The following PPFIBP2 variants were observed in gnomAD, a reference collection of about 807,000 sequenced individuals.
The protein encoded by PPFIBP2 is liprin-beta-2.
Under a neutral mutation model 118.3 loss-of-function variants are expected in PPFIBP2, and 118 were observed. The observed-to-expected ratio is 1.00, with a 90% CI of 0.86 to 1.16. The LOEUF (loss-of-function observed/expected upper bound fraction) is 1.16, where lower values mean the gene tolerates loss of function less well. PPFIBP2 is among the 50% of genes most tolerant of loss of function. The probability of loss-of-function intolerance (pLI) is 0.00; values close to 1 mark genes in which losing one functional copy is unlikely to be tolerated. For missense variants in PPFIBP2, 1,195 were observed against 1,073.1 expected (o/e 1.11, Z -1.59); for synonymous variants, 414 against 397.4 (o/e 1.04, Z -0.50).
chr11:7,617,432 C>T (rs184011350), intron 6 of PPFIBP2: 4 of 455,738 alleles, frequency 8.8e-6, no homozygotes, highest in Non-Finnish European at 8.7e-6. Flanking sequence ...AGAGCTTGGA[C>T]TCACTCAATC....
At chr11:7,659,505 A>G (rs1213090198), downstream of PPFIBP2, among the ~76,000 whole-genome samples, 3 of 150,114 alleles carry the variant, frequency 2.0e-5, no homozygotes, top group East Asian at 1.9e-4. Context: ...CCATTGATCT[A>G]TATCTCTGTT....
In PPFIBP2 at chr11:7,648,890, C is replaced by G; in HGVS notation, c.1888C>G (p.Leu630Val). ...NTKQEEKSAL[L>V]DHIWVTRWLD... ...CAAACAGGAGGAGAAGTCTGCACTG[C>G]TAGACCACATTTGGGTGACAAGTAA... Residue 630 changes from leucine (L) to valine (V), a missense_variant, in exon 19 of 24, where the codon CTA becomes GTA. Coordinates refer to ENST00000299492, the MANE Select transcript of PPFIBP2 (RefSeq NM_003621.5). 1.9e-6 allele frequency: 3 copies of G among 1,613,912 alleles called. No individual in the cohort carries two copies. The South Asian group carries it at 3.3e-5, about 18-fold the overall frequency.
intron 1 of PPFIBP2, among the ~76,000 whole-genome samples, chr11:7,541,895 GCT>G (rs1851827938): frequency 1.3e-5 from 2 of 152,114 alleles, no homozygotes; most frequent in African/African-American, 4.8e-5. Flanking sequence ...ACTTGACTCT[GCT>G]CTCTCATGCC....
intron 1 of PPFIBP2, among the ~76,000 whole-genome samples, 165 bp from the exon 2 acceptor site, chr11:7,549,275 A>T (rs542120695): frequency 6.6e-6 from 1 of 152,352 alleles, no homozygotes; most frequent in East Asian, 1.9e-4. Context: ...AAAAGCACTC[A>T]TGCCAAGAGG....
In PPFIBP2 at chr11:7,593,344, T is replaced by C; in HGVS notation, c.372+120T>C. 7 of 1,385,390 alleles carry C rather than the reference T, an allele frequency of 5.1e-6. No individual in the cohort carries two copies. In the South Asian group the frequency reaches 5.9e-5, roughly 12 times the overall value. 85.8% of individuals were successfully genotyped at this position (1,385,390 alleles called of 1,614,324 possible). A position where few individuals can be genotyped will look rare whatever the true frequency, so the allele number is the denominator to read the frequency against. On this transcript the variant is annotated intron_variant, in intron 4 of 23. Coordinates refer to ENST00000299492, the MANE Select transcript of PPFIBP2 (RefSeq NM_003621.5). Reference sequence around the variant, plus strand: ...GGAATTTTTCTCCTTCCAATGCCTATGTTTTTAGAAAAGACTTTTCCTGAA... The same window carrying C: ...GGAATTTTTCTCCTTCCAATGCCTACGTTTTTAGAAAAGACTTTTCCTGAA...
At chr11:7,628,713 G>C (rs1398405192) in intron 9 of PPFIBP2, among the ~76,000 whole-genome samples, 1 of 152,172 alleles carries the variant, frequency 6.6e-6, no homozygotes, top group Non-Finnish European at 1.5e-5. Context: ...AACCATCATA[G>C]AGACACTTGG....
Position 7,648,895 on chromosome 11 carries a change from C to T in PPFIBP2, c.1893C>T (p.Asp631=). The change falls in exon 19 of 24, where the codon GAC becomes GAT. Residue 631 remains aspartate (D), a synonymous_variant. Transcript: ENST00000299492. ...TKQEEKSALL[D]HIWVTRWLDD... is the part of the protein sequence containing the mutation. ...AGGAGGAGAAGTCTGCACTGCTAGACCACATTTGGGTGACAAGTAAGGATA... is the reference window on the plus strand; with the variant it reads ...AGGAGGAGAAGTCTGCACTGCTAGATCACATTTGGGTGACAAGTAAGGATA... 2 of 1,613,650 alleles carry T rather than the reference C, an allele frequency of 1.2e-6. No individual in the cohort carries two copies. The highest frequency in any genetic ancestry group is 1.7e-6 in the Non-Finnish European group (2 of 1,179,630).
intron 2 of PPFIBP2, among the ~76,000 whole-genome samples, chr11:7,556,350 G>A (rs1010752564): frequency 1.3e-5 from 2 of 152,176 alleles, no homozygotes; most frequent in African/African-American, 4.8e-5. Flanking sequence ...AGCTACTCGG[G>A]AGGCTGAGGC....
At chr11:7,546,516 G>C (rs951451827) in intron 1 of PPFIBP2, among the ~76,000 whole-genome samples, 1 of 152,120 alleles carries the variant, frequency 6.6e-6, no homozygotes, top group Non-Finnish European at 1.5e-5. Context: ...CTCTGGGTTT[G>C]ACACCCTGTC....
intron 5 of PPFIBP2, among the ~76,000 whole-genome samples, chr11:7,599,124 T>C (rs1259441543): frequency 6.6e-6 from 1 of 152,074 alleles, no homozygotes; most frequent in Non-Finnish European, 1.5e-5. Context: ...ATTGAATCTT[T>C]CTTTTGAAGA....
intron 1 of PPFIBP2, among the ~76,000 whole-genome samples, chr11:7,519,820 CT>C (rs1208815137): frequency 6.6e-6 from 1 of 152,130 alleles, no homozygotes; most frequent in Admixed American, 6.5e-5. Context: ...ACGCTGGAGC[CT>C]TTTTGGACCA....
chr11:7,549,609 C>CT (rs386373033), intron 2 of PPFIBP2, 70 bp downstream of exon 2: 80,233 of 1,125,142 alleles, frequency 0.071, 65 homozygotes, highest in South Asian at 0.079. Context: ...TCTCCTTTTA[C>CT]TTTTTTTTTT....
At chr11:7,527,609 T>C (rs1477680909) in intron 1 of PPFIBP2, among the ~76,000 whole-genome samples, 2 of 152,090 alleles carry the variant, frequency 1.3e-5, no homozygotes, top group South Asian at 2.1e-4. Context: ...AAACAGATAG[T>C]AGTAACTGCT....
Position 7,565,699 on chromosome 11 carries a change from G to C in PPFIBP2, c.211G>C (p.Ala71Pro), listed in dbSNP as rs774061298. The C allele has an allele frequency of 1.2e-6, 2 of 1,614,166 alleles. No homozygotes were observed. The highest frequency in any genetic ancestry group is 1.7e-6 in the Non-Finnish European group (2 of 1,180,018). Residue 71 changes from alanine to proline, a missense_variant, in exon 3 of 24, where the codon GCA becomes CCA. Physicochemically the swap from Ala to Pro is conservative, Grantham distance 27 (BLOSUM62 -1). Transcript: ENST00000299492. ...LEMLELPQER[A>P]ALLSQIPGPT... is the part of the protein sequence containing the mutation. ...GATGCTGGAGCTTCCTCAGGAGAGA[G>C]CAGCCCTCCTGAGCCAGATCCCTGG...
chr11:7,653,190 G>C lies in PPFIBP2; in HGVS notation c.2603G>C (p.Gly868Ala), dbSNP rs1259257753. ...CCCCTTGATGCCCCTGAACTGGATG[G>C]GCTGGACCAGGTGGGACAGATTAGC... The part of the protein sequence containing the change: ...LSPLDAPELD[G>A]LDQVGQIS The change falls in exon 24 of 24, where the codon GGG becomes GCG. Residue 868 changes from glycine (G) to alanine (A), a missense_variant. By Grantham distance (60) the Gly-to-Ala change is moderately conservative (BLOSUM62 0). Coordinates refer to ENST00000299492, the MANE Select transcript of PPFIBP2 (RefSeq NM_003621.5). The C allele has an allele frequency of 6.2e-7, 1 of 1,614,062 alleles. No homozygotes were observed. Among genetic ancestry groups the C allele is most frequent in the Non-Finnish European group, 8.5e-7 (1 of 1,180,050 alleles).
At chr11:7,649,722 A>C in intron 21 of PPFIBP2, 68 bp downstream of exon 21, 2 of 1,591,230 alleles carry the variant, frequency 1.3e-6, no homozygotes, top group South Asian at 2.3e-5. Context: ...GAGCATGAGC[A>C]AACAAGAATG....
At chr11:7,585,304 G>A (rs1857940833) in intron 3 of PPFIBP2, among the ~76,000 whole-genome samples, 1 of 152,176 alleles carries the variant, frequency 6.6e-6, no homozygotes, top group African/African-American at 2.4e-5. Flanking sequence ...AGCAACTGTT[G>A]GCTTCAAAAA....
chr11:7,572,776 T>A (rs534981780), intron 3 of PPFIBP2, among the ~76,000 whole-genome samples: 7 of 151,866 alleles, frequency 4.6e-5, no homozygotes, highest in African/African-American at 1.7e-4. Context: ...GTTTTGTTTG[T>A]TTTGTTTTGT....
At position 7,649,646 on chromosome 11, in the gene PPFIBP2, G is replaced by T. The variant is rs150095938; in HGVS notation, c.2113G>T (p.Ala705Ser). The T allele has an allele frequency of 1.5e-4, 239 of 1,614,242 alleles. No individual in the cohort carries two copies. Among genetic ancestry groups the T allele is most frequent in the Non-Finnish European group, 1.9e-4 (228 of 1,180,038 alleles). ...CCCCCACTGCCTGCACCGGCGGCCA[G>T]CTGATGAGGTGAGACCACAAATAGT... Reference protein sequence around the residue: ...FNPHCLHRRPADESNLSPSEV... With the variant: ...FNPHCLHRRPSDESNLSPSEV... The change falls in exon 21 of 24, where the codon GCT becomes TCT. Residue 705 changes from alanine (A) to serine (S), a missense_variant. By Grantham distance (99) the Ala-to-Ser change is moderately conservative. Coordinates refer to ENST00000299492, the MANE Select transcript of PPFIBP2 (RefSeq NM_003621.5).
Sources: allele counts gnomAD v4.1 joint callset (sites outside exome capture counted in the v4.1 genomes callset), GRCh38; gene constraint gnomAD v4.1.1; transcripts MANE v1.5; gene names NCBI Gene and HGNC (gene_info 2026-07-23, HGNC 2026-07-21).